DDX20: variants seen among roughly 807,000 people sequenced by gnomAD.
DDX20 encodes the protein DEAD-box helicase 20.
DDX20 carries 61 observed loss-of-function variants against 76.4 expected under a neutral mutation model. That is an observed-to-expected ratio of 0.80 (90% CI 0.65 to 0.99). The LOEUF (loss-of-function observed/expected upper bound fraction) is 0.99, where lower values mean the gene tolerates loss of function less well. Among genes scored for constraint, DDX20 ranks in the 50% least tolerant of loss-of-function variants. DDX20 has a pLI of 0.00. For missense variants in DDX20, 976 were observed against 996.8 expected (o/e 0.98, Z 0.28); for synonymous variants, 357 against 357.4 (o/e 1.00, Z 0.01).
intron 7 of DDX20, 59 bp downstream of exon 7, chr1:111,761,343 C>A: frequency 2.1e-6 from 3 of 1,447,960 alleles, no homozygotes; most frequent in Admixed American, 3.9e-5. Flanking sequence ...CCTCCAAAGT[C>A]AGGAGGAAAA....
chr1:111,764,865 G>T (rs1663747159), intron 10 of DDX20, among the ~76,000 whole-genome samples: 1 of 152,196 alleles, frequency 6.6e-6, no homozygotes, highest in South Asian at 2.1e-4. Flanking sequence ...AAATTGGCCT[G>T]TATTATAGGA....
rs1351058159 is a variant in DDX20 at position 111,761,349 on chromosome 1, G to A, written c.1021+65G>A. The A allele has an allele frequency of 3.0e-6, 4 of 1,331,388 alleles. No individual in the cohort carries two copies. In the Admixed American group the frequency reaches 6.0e-5, roughly 20 times the overall value. 82.5% of individuals were successfully genotyped at this position (1,331,388 alleles called of 1,614,324 possible). On this transcript the variant is annotated intron_variant, in intron 7 of 10. Coordinates refer to ENST00000369702, the MANE Select transcript of DDX20 (RefSeq NM_007204.5). ...GACTTGAAGCCTCCAAAGTCAGGAG[G>A]AAAAAATACCACTTTATGAGTTGTC...
At position 111,766,144 on chromosome 1, in the gene DDX20, CA is replaced by C. The variant is rs1289094315; in HGVS notation, c.1721del (p.Gln574ArgfsTer16). 1.5e-5 allele frequency: 24 copies of C among 1,614,080 alleles called. No homozygotes were observed. The highest frequency in any genetic ancestry group is 1.8e-5 in the Non-Finnish European group (21 of 1,180,042). Reference protein sequence around the residue: ...VKEALPVSLPQIPCLSSFKIH... With the variant: ...VKEALPVSLPXIPCLSSFKIH... ...AGAAGCTTTACCTGTGTCACTCCCC[CA>C]GATTCCTTGTCTGTCTTCCTTTAAA... On this transcript the variant is annotated frameshift_variant, in exon 11 of 11. Coordinates refer to ENST00000369702, the MANE Select transcript of DDX20 (RefSeq NM_007204.5). LOFTEE classifies it high-confidence loss of function.
In DDX20 at chr1:111,761,248, C is replaced by T; in HGVS notation, c.985C>T (p.Leu329Phe). 2 of 1,613,334 alleles carry T rather than the reference C, an allele frequency of 1.2e-6. No individual in the cohort carries two copies. Among genetic ancestry groups the T allele is most frequent in the East Asian group, 2.2e-5 (1 of 44,792 alleles). ...TAGAGCACAACATTTGGCTGATATC[C>T]TTTCTTCTAAAGGCTTTCCTGCTGA... The part of the protein sequence containing the change: ...HSRAQHLADI[L>F]SSKGFPAECI... Residue 329 changes from leucine to phenylalanine, a missense_variant, in exon 7 of 11, where the codon CTT (leucine) becomes TTT (phenylalanine). By Grantham distance (22) the Leu-to-Phe change is conservative. This residue lies in a region of DDX20 where 630 missense variants were observed against 693.7 expected (regional missense o/e 0.91). Coordinates refer to ENST00000369702, the MANE Select transcript of DDX20 (RefSeq NM_007204.5).
chr1:111,766,716 G>A lies in DDX20; in HGVS notation c.2292G>A (p.Leu764=), dbSNP rs368560972. The part of the protein sequence containing the change: ...DWYDCHREIR[L]SFSDTYQDYE... ...ATGACTGTCATAGGGAAATACGTCT[G>A]AGTTTTTCTGATACCTATCAGGATT... is the stretch of plus-strand genomic sequence containing the variant. The change falls in exon 11 of 11, where the codon CTG becomes CTA. Residue 764 remains leucine (L), a synonymous_variant. Transcript: ENST00000369702. The A allele has an allele frequency of 6.8e-6, 11 of 1,614,210 alleles. No homozygotes were observed. The highest frequency in any genetic ancestry group is 4.0e-5 in the African/African-American group (3 of 75,064).
intron 3 of DDX20, 132 bp from the exon 4 acceptor site, chr1:111,760,342 A>T: frequency 1.6e-6 from 1 of 634,994 alleles, no homozygotes; most frequent in Non-Finnish European, 2.7e-6. Context: ...TTTAGTGTGT[A>T]CATGCATAAT....
chr1:111,760,843 T>A lies in DDX20; in HGVS notation c.818T>A (p.Leu273His), dbSNP rs772553669. The A allele has an allele frequency of 6.2e-7, 1 of 1,611,260 alleles. No homozygotes were observed. Among genetic ancestry groups the A allele is most frequent in the East Asian group, 2.2e-5 (1 of 44,830 alleles). Residue 273 changes from leucine (L) to histidine (H), a missense_variant, in exon 5 of 11, where the codon CTC (leucine) becomes CAC (histidine). This residue lies in a region of DDX20 where 630 missense variants were observed against 693.7 expected (regional missense o/e 0.91). Transcript: ENST00000369702. ...FVRLNSSDPS[L>H]IGLKQYYKVV... ...AGACTGAATTCCAGTGATCCAAGTC[T>A]CATAGGTGTGTACAGCTTTTAGGTA...
At position 111,755,915 on chromosome 1, in the gene DDX20, C is replaced by T; in HGVS notation, c.-10C>T. The T allele has an allele frequency of 6.4e-7, 1 of 1,565,654 alleles. No homozygotes were observed. Among genetic ancestry groups the T allele is most frequent in the East Asian group, 2.3e-5 (1 of 44,106 alleles). On this transcript the variant is annotated 5_prime_UTR_variant, in exon 1 of 11. Coordinates refer to ENST00000369702, the MANE Select transcript of DDX20 (RefSeq NM_007204.5). Reference sequence around the variant, plus strand: ...CCTTAAGCACCGCGAGATCTGACGGCGCGGCTACCATGGCGGCGGCATTTG... The same window carrying T: ...CCTTAAGCACCGCGAGATCTGACGGTGCGGCTACCATGGCGGCGGCATTTG...
intron 2 of DDX20, 104 bp downstream of exon 2, chr1:111,756,844 T>A (rs1208460830): frequency 4.1e-6 from 4 of 982,534 alleles, no homozygotes; most frequent in Non-Finnish European, 6.3e-6. Context: ...ATTTGATGAA[T>A]GATTGAGTTA....
At chr1:111,756,300 C>A in intron 1 of DDX20, 75 bp downstream of exon 1, 6 of 1,359,044 alleles carry the variant, frequency 4.4e-6, no homozygotes, top group Non-Finnish European at 5.7e-6. Flanking sequence ...GCGGCCAGGC[C>A]CGCGCCGCAG....
Position 111,766,590 on chromosome 1 carries a change from A to G in DDX20, c.2166A>G (p.Arg722=). The change falls in exon 11 of 11, where the codon AGA becomes AGG. Residue 722 remains arginine, a synonymous_variant. Transcript: ENST00000369702. ...CACCTGGAATCCAGATGAAGACAAG[A>G]CTTAAAGAGGGGGCTAGCCAGAGAG... ...QESPGIQMKT[R]LKEGASQRAK... 6.2e-7 allele frequency: 1 copy of G among 1,614,182 alleles called. No homozygotes were observed. The highest frequency in any genetic ancestry group is 8.5e-7 in the Non-Finnish European group (1 of 1,180,020).
In DDX20 at chr1:111,759,453, T is replaced by A. The variant is rs964065604; in HGVS notation, c.450T>A (p.Ile150=). Residue 150 remains isoleucine (I), a synonymous_variant, in exon 3 of 11, where the codon ATT becomes ATA. Coordinates refer to ENST00000369702, the MANE Select transcript of DDX20 (RefSeq NM_007204.5). ...REIAVQIHSV[I]TAIGIKMEGL... is the part of the protein sequence containing the mutation. Reference sequence around the variant, plus strand: ...TTGCTGTACAGATACATTCTGTTATTACAGCCATTGGAATAAAAATGGAAG... The same window carrying A: ...TTGCTGTACAGATACATTCTGTTATAACAGCCATTGGAATAAAAATGGAAG... 2 of 1,613,774 alleles carry A rather than the reference T, an allele frequency of 1.2e-6. No homozygotes were observed. Among genetic ancestry groups the A allele is most frequent in the Admixed American group, 1.7e-5 (1 of 59,974 alleles).
chr1:111,763,597 T>C (rs1031295632), intron 10 of DDX20, among the ~76,000 whole-genome samples: 2 of 150,566 alleles, frequency 1.3e-5, no homozygotes, highest in Admixed American at 1.3e-4. Flanking sequence ...GAAAGAAAAA[T>C]GAGAGCTATG....
intron 10 of DDX20, among the ~76,000 whole-genome samples, chr1:111,764,150 G>GT (rs1233777418): frequency 2.0e-5 from 3 of 152,084 alleles, no homozygotes; most frequent in Non-Finnish European, 4.4e-5. Context: ...GGGCATGGTG[G>GT]TGGGTGTCTG....
At chr1:111,761,926 T>TA (rs1663684211) in intron 7 of DDX20, 1 of 189,104 alleles carries the variant, frequency 5.3e-6, no homozygotes, top group Non-Finnish European at 1.1e-5. Flanking sequence ...AACACCAAAT[T>TA]ATAAACAGCT....
At chr1:111,756,269 A>AAC in intron 1 of DDX20, 44 bp downstream of exon 1, 1 of 1,187,506 alleles carries the variant, frequency 8.4e-7, no homozygotes, top group Non-Finnish European at 1.1e-6. Context: ...GGGGTGGGAG[A>AAC]AGGGGGACCG....
chr1:111,764,549 G>C (rs995033353), intron 10 of DDX20, among the ~76,000 whole-genome samples: 1 of 152,156 alleles, frequency 6.6e-6, no homozygotes, highest in African/African-American at 2.4e-5. Flanking sequence ...ATGGTCTTTA[G>C]GCTCTATGTC....
Position 111,756,755 on chromosome 1 carries a change from A to G in DDX20, c.396+15A>G. On this transcript the variant is annotated intron_variant, in intron 2 of 10. Coordinates refer to ENST00000369702, the MANE Select transcript of DDX20 (RefSeq NM_007204.5). The stretch of plus-strand genomic sequence containing the variant: ...TAAGTACCCAGGTGAGTTAGCTGAG[A>G]GGACCAGAGGAGGATGTGTTTTGTG... The G allele has an allele frequency of 6.3e-7, 1 of 1,597,128 alleles. No individual in the cohort carries two copies. Among genetic ancestry groups the G allele is most frequent in the Non-Finnish European group, 8.6e-7 (1 of 1,164,436 alleles).
Position 111,759,961 on chromosome 1 carries a change from G to A in DDX20, c.565+393G>A, listed in dbSNP as rs1201716968. Among the ~76,000 whole-genome samples the A allele has an allele frequency of 3.5e-4, 44 of 125,682 alleles. No homozygotes were observed. In the Admixed American group the frequency reaches 3.8e-3, roughly 11 times the overall value. 82.5% of individuals were successfully genotyped at this position (125,682 alleles called of 152,430 possible). On this transcript the variant is annotated intron_variant, in intron 3 of 10. Coordinates refer to ENST00000369702, the MANE Select transcript of DDX20 (RefSeq NM_007204.5). ...TGCACTCCAGCCTGGGTGACAGAGC[G>A]AGACTCCATCTCAAAAAAAAAAAAA...
Sources: allele counts gnomAD v4.1 joint callset (sites outside exome capture counted in the v4.1 genomes callset), GRCh38; gene constraint gnomAD v4.1.1; regional missense constraint gnomAD v4.1.1; transcripts MANE v1.5; gene names NCBI Gene and HGNC (gene_info 2026-07-23, HGNC 2026-07-21).